Variants in DCUN1D4 observed in about 807,000 individuals in gnomAD.
DCUN1D4 encodes the protein DCN1-like protein 4.
In DCUN1D4, 22 loss-of-function variants were observed where a neutral mutation model predicts 47.9. The ratio of observed to expected loss-of-function variants is 0.46; its 90% CI spans 0.33 to 0.66. The LOEUF (loss-of-function observed/expected upper bound fraction) is 0.66, where lower values mean the gene tolerates loss of function less well. Among genes scored for constraint, DCUN1D4 ranks in the 30% least tolerant of loss-of-function variants. The pLI is 0.02. For synonymous variants in DCUN1D4, 121 were observed against 112.2 expected (o/e 1.08, Z -0.50); for missense variants, 301 against 340.8 (o/e 0.88, Z 0.92).
chr4:51,843,428 C>A, intron 1 of DCUN1D4, 161 bp downstream of exon 1: 1 of 1,234,796 alleles, frequency 8.1e-7, no homozygotes, highest in South Asian at 2.3e-5. Flanking sequence ...CGGGCGGTGA[C>A]GCTGCGGGCG....
intron 1 of DCUN1D4, chr4:51,843,683 G>A (rs891324630): frequency 7.2e-6 from 9 of 1,245,530 alleles, no homozygotes; most frequent in East Asian, 3.2e-5. Flanking sequence ...AGCGAGCGGG[G>A]CACAAGGGTG....
intron 5 of DCUN1D4, 38 bp from the exon 6 acceptor site, chr4:51,886,530 A>G (rs745919969): frequency 2.5e-6 from 4 of 1,575,194 alleles, no homozygotes; most frequent in Admixed American, 3.3e-5. Context: ...TATGGTGTGC[A>G]TGGTCAGATT....
At chr4:51,891,659 G>A (rs2110066456) in intron 6 of DCUN1D4, 101 bp from the exon 7 acceptor site, 2 of 874,276 alleles carry the variant, frequency 2.3e-6, no homozygotes, top group Non-Finnish European at 3.4e-6. Flanking sequence ...GTGAACAGAA[G>A]CATTTAGCAA....
intron 3 of DCUN1D4, among the ~76,000 whole-genome samples, chr4:51,871,692 G>A (rs752948869): frequency 1.1e-4 from 16 of 152,200 alleles, no homozygotes; most frequent in Non-Finnish European, 2.2e-4. Context: ...CTTCATTTCT[G>A]GGCAGTATAA....
intron 7 of DCUN1D4, among the ~76,000 whole-genome samples, chr4:51,896,972 C>T (rs967338306): frequency 6.6e-6 from 1 of 152,172 alleles, no homozygotes; most frequent in African/African-American, 2.4e-5. Context: ...TTCCTCTATC[C>T]ACTCCAGCGA....
At chr4:51,905,574 A>T (rs1280708061) in intron 8 of DCUN1D4, among the ~76,000 whole-genome samples, 1 of 152,180 alleles carries the variant, frequency 6.6e-6, no homozygotes, top group African/African-American at 2.4e-5. Flanking sequence ...TCCTTTTTAA[A>T]AAAGGACCTA....
At chr4:51,906,101 T>G (rs1732852387) in intron 8 of DCUN1D4, among the ~76,000 whole-genome samples, 1 of 151,830 alleles carries the variant, frequency 6.6e-6, no homozygotes, top group South Asian at 2.1e-4. Context: ...GAATGAAGAG[T>G]CTTGTGGAGG....
intron 1 of DCUN1D4, among the ~76,000 whole-genome samples, chr4:51,851,013 G>A (rs56702037): frequency 1.7e-3 from 252 of 152,312 alleles, no homozygotes; most frequent in African/African-American, 6.0e-3. Flanking sequence ...GATTAAATGA[G>A]ATGAAACACG....
In DCUN1D4 at chr4:51,916,271, A is replaced by G. The variant is rs1008547652; in HGVS notation, c.*2687A>G. ...TTGTATTATTTGATTTGCCTCAAAC[A>G]TCCACTGTAATGTTACATGCACCTT... On this transcript the variant is annotated 3_prime_UTR_variant, in exon 11 of 11. Transcript: ENST00000334635. The G allele has an allele frequency of 2.0e-5, 3 of 152,222 alleles. No homozygotes were observed. Among genetic ancestry groups the G allele is most frequent in the Non-Finnish European group, 4.4e-5 (3 of 68,006 alleles). 9.4% of individuals were successfully genotyped at this position (152,222 alleles called of 1,614,324 possible).
rs959828043 is a variant in DCUN1D4 at position 51,859,604 on chromosome 4, T to G, written c.26-3833T>G. Among the ~76,000 whole-genome samples the G allele has an allele frequency of 2.9e-5, 4 of 138,476 alleles. No individual in the cohort carries two copies. The Admixed American group carries it at 3.4e-4, about 12-fold the overall frequency. The allele number at this position is 138,476 out of a possible 152,430, so 90.8% of individuals were successfully genotyped here. A position where few individuals can be genotyped will look rare whatever the true frequency, so the allele number is the denominator to read the frequency against. On this transcript the variant is annotated intron_variant, in intron 1 of 10. Coordinates refer to ENST00000334635, the MANE Select transcript of DCUN1D4 (RefSeq NM_001040402.3). ...CAATGGCATTCATTTTTTTTTCTTT[T>G]GTGTAGGTCACAGCAAATGGTAGTT...
intron 1 of DCUN1D4, chr4:51,848,399 C>G (rs1197308092): frequency 9.2e-7 from 1 of 1,085,558 alleles, no homozygotes; most frequent in Non-Finnish European, 1.1e-6. Flanking sequence ...AGTGTTTGTC[C>G]TTTTCCCTTC....
rs957862414 is a variant in DCUN1D4 at position 51,862,178 on chromosome 4, A to G, written c.26-1259A>G. On this transcript the variant is annotated intron_variant, in intron 1 of 10. Coordinates refer to ENST00000334635, the MANE Select transcript of DCUN1D4 (RefSeq NM_001040402.3). ...GTTTTGGGGACCATTCTATATGGCT[A>G]TGACTGTGAACAGTGCATATGCACA... Among the ~76,000 whole-genome samples, 10 of 152,346 alleles carry G rather than the reference A, an allele frequency of 6.6e-5. No homozygotes were observed. In the South Asian group the frequency reaches 1.9e-3, roughly 28 times the overall value.
At chr4:51,870,755 G>A (rs1220663429) in intron 3 of DCUN1D4, among the ~76,000 whole-genome samples, 1 of 152,174 alleles carries the variant, frequency 6.6e-6, no homozygotes, top group East Asian at 1.9e-4. Context: ...TGCAACCATT[G>A]GGGGAGCAGG....
intron 6 of DCUN1D4, 101 bp downstream of exon 6, chr4:51,886,739 G>A: frequency 1.0e-6 from 1 of 998,752 alleles, no homozygotes; most frequent in South Asian, 1.6e-5. Flanking sequence ...GTAGTGGTAT[G>A]TTAGTTTTTA....
the DCUN1D4 span, among the ~76,000 whole-genome samples, chr4:51,837,654 C>CAAAAAAAAAAAAAAAAAAAAAAAAAA: frequency 2.2e-5 from 1 of 46,180 alleles, no homozygotes; most frequent in Non-Finnish European, 3.7e-5. Flanking sequence ...GACTCCGTCT[C>CAAAAAAAAAAAAAAAAAAAAAAAAAA]AAAAAAAAAA....
At position 51,912,033 on chromosome 4, in the gene DCUN1D4, G is replaced by A. The variant is rs574438685; in HGVS notation, c.720+859G>A. On this transcript the variant is annotated intron_variant, in intron 9 of 10. Transcript: ENST00000334635. ...CCAGAATATTTTTAATATCTGATAG[G>A]ATTCTTTGAGAACTGTTATTAAAAA... Among the ~76,000 whole-genome samples the A allele has an allele frequency of 2.4e-4, 37 of 152,134 alleles. No individual in the cohort carries two copies. In the South Asian group the frequency reaches 7.3e-3, roughly 30 times the overall value.
chr4:51,877,940 A>G (rs1042783577), intron 5 of DCUN1D4, 86 bp downstream of exon 5: 2 of 963,410 alleles, frequency 2.1e-6, no homozygotes, highest in East Asian at 2.6e-5. Flanking sequence ...AAAAATGTGT[A>G]CATTTCAAAT....
chr4:51,851,633 TGA>T (rs1723380031), intron 1 of DCUN1D4, among the ~76,000 whole-genome samples: 1 of 151,460 alleles, frequency 6.6e-6, no homozygotes, highest in African/African-American at 2.4e-5. Flanking sequence ...GGAAAGGAAC[TGA>T]GAGAAGGAAA....
intron 1 of DCUN1D4, among the ~76,000 whole-genome samples, chr4:51,846,186 C>T (rs540556414): frequency 2.4e-4 from 37 of 152,310 alleles, no homozygotes; most frequent in African/African-American, 8.9e-4. Context: ...CTCCTACACA[C>T]TTTCTGCTCT....
Sources: allele counts gnomAD v4.1 joint callset (sites outside exome capture counted in the v4.1 genomes callset), GRCh38; gene constraint gnomAD v4.1.1; transcripts MANE v1.5; gene names NCBI Gene and HGNC (gene_info 2026-07-23, HGNC 2026-07-21).